Variants in MICU1 observed in about 807,000 individuals in gnomAD.
The protein encoded by MICU1 is mitochondrial calcium uptake 1, also known as calcium uptake protein 1, mitochondrial.
Under a neutral mutation model 56.8 loss-of-function variants are expected in MICU1, and 45 were observed. The ratio of observed to expected loss-of-function variants is 0.79; its 90% confidence interval spans 0.62 to 1.02. MICU1 has a LOEUF of 1.02. MICU1 is among the 50% of genes least tolerant of loss of function. MICU1 has a pLI of 0.00. For synonymous variants in MICU1, 186 were observed against 195.1 expected (o/e 0.95, Z 0.39); for missense variants, 504 against 587.1 (o/e 0.86, Z 1.46).
At chr10:72,476,353 G>A (rs1299865509) in intron 7 of MICU1, among the ~76,000 whole-genome samples, 11 of 151,666 alleles carry the variant, frequency 7.3e-5, no homozygotes, top group South Asian at 2.1e-4. Context: ...CACAGCCTCC[G>A]GAGTAGCTAG....
At chr10:72,586,516 G>A (rs1186485721) in intron 1 of MICU1, among the ~76,000 whole-genome samples, 1 of 152,030 alleles carries the variant, frequency 6.6e-6, no homozygotes, top group African/African-American at 2.4e-5. Flanking sequence ...GCCGGGCATG[G>A]TGGTGCATGC....
intron 10 of MICU1, among the ~76,000 whole-genome samples, chr10:72,398,259 C>T (rs1348779405): frequency 1.3e-5 from 2 of 152,124 alleles, no homozygotes; most frequent in South Asian, 2.1e-4. Flanking sequence ...AAAGACACAG[C>T]ATACCAGAAT....
At chr10:72,443,411 T>C (rs1233197128) in intron 8 of MICU1, among the ~76,000 whole-genome samples, 24 of 152,262 alleles carry the variant, frequency 1.6e-4, no homozygotes, top group Admixed American at 3.3e-4. Flanking sequence ...TTTGTTGCCA[T>C]TGTTTTTGGT....
At chr10:72,373,849 A>G (rs940479147) in intron 11 of MICU1, among the ~76,000 whole-genome samples, 6 of 152,222 alleles carry the variant, frequency 3.9e-5, no homozygotes, top group Admixed American at 3.3e-4. Context: ...GAAAGTTAAT[A>G]TATGTCTACA....
intron 8 of MICU1, among the ~76,000 whole-genome samples, chr10:72,471,461 C>T (rs771410719): frequency 3.9e-5 from 6 of 152,182 alleles, no homozygotes; most frequent in African/African-American, 1.2e-4. Flanking sequence ...CTCTGTTTCT[C>T]TAGGCTCTCA....
intron 8 of MICU1, among the ~76,000 whole-genome samples, chr10:72,448,193 A>ATTTTT (rs71018289): frequency 0.018 from 664 of 36,800 alleles, 86 homozygotes; most frequent in Middle Eastern, 0.038. Context: ...ATATATATAT[A>ATTTTT]TTTTTTTTTT....
At chr10:72,528,239 T>C (rs1868020822) in intron 5 of MICU1, among the ~76,000 whole-genome samples, 1 of 152,186 alleles carries the variant, frequency 6.6e-6, no homozygotes, top group South Asian at 2.1e-4. Flanking sequence ...CTTTGAAATA[T>C]CTGTGAGGAA....
intron 5 of MICU1, among the ~76,000 whole-genome samples, chr10:72,523,580 A>G (rs1354677741): frequency 6.6e-6 from 1 of 152,196 alleles, no homozygotes; most frequent in Non-Finnish European, 1.5e-5. Flanking sequence ...GTAAAAATAA[A>G]GAGCACCCTG....
intron 1 of MICU1, among the ~76,000 whole-genome samples, chr10:72,625,066 T>C (rs1842195954): frequency 1.3e-5 from 2 of 152,306 alleles, no homozygotes; most frequent in African/African-American, 2.4e-5. Context: ...TCCTTTCTTA[T>C]ACTGCTCGAT....
At chr10:72,593,418 G>A (rs941837938) in intron 1 of MICU1, among the ~76,000 whole-genome samples, 2 of 151,950 alleles carry the variant, frequency 1.3e-5, no homozygotes, top group Non-Finnish European at 2.9e-5. Flanking sequence ...TGGCCAACAT[G>A]GCGAAACCCT....
chr10:72,501,756 G>A (rs2132330875), intron 6 of MICU1: 1 of 152,240 alleles, frequency 6.6e-6, no homozygotes, highest in East Asian at 1.9e-4. Flanking sequence ...CACATACAGA[G>A]AAGAGTAAGA....
At chr10:72,416,407 TTAA>T (rs757031379) in intron 9 of MICU1, among the ~76,000 whole-genome samples, 2 of 152,096 alleles carry the variant, frequency 1.3e-5, no homozygotes, top group Non-Finnish European at 2.9e-5. Context: ...ATATTTGGAG[TTAA>T]TGAGTTTTCA....
intron 6 of MICU1, among the ~76,000 whole-genome samples, chr10:72,490,457 G>A (rs1400064261): frequency 6.6e-6 from 1 of 152,116 alleles, no homozygotes; most frequent in East Asian, 1.9e-4. Context: ...CTGTAGATCT[G>A]AATTAGCTCA....
At chr10:72,414,690 T>A (rs919541574) in intron 9 of MICU1, among the ~76,000 whole-genome samples, 1 of 152,234 alleles carries the variant, frequency 6.6e-6, no homozygotes, top group Non-Finnish European at 1.5e-5. Flanking sequence ...GGATAACTTA[T>A]GGTATATAAA....
chr10:72,368,105 C>G lies in MICU1; in HGVS notation c.*90G>C, dbSNP rs41282272. The G allele has an allele frequency of 0.024, 33,114 of 1,384,102 alleles. 479 individuals are homozygous for G. The highest frequency in any genetic ancestry group is 0.039 in the South Asian group (2,831 of 73,268). The allele number at this position is 1,384,102 out of a possible 1,614,324, so 85.7% of individuals were successfully genotyped here. On this transcript the variant is annotated 3_prime_UTR_variant, in exon 12 of 12. Coordinates refer to ENST00000361114, the MANE Select transcript of MICU1 (RefSeq NM_001195518.2). The stretch of plus-strand genomic sequence containing the variant: ...TCCCGGGAGGAAGGGGGACTACTTC[C>G]AGAAGCAGCAGCACAAAGGGCTCTG...
intron 1 of MICU1, among the ~76,000 whole-genome samples, chr10:72,595,434 A>G (rs1274337552): frequency 6.9e-6 from 1 of 143,974 alleles, no homozygotes; most frequent in Non-Finnish European, 1.5e-5. Flanking sequence ...CCTGGGTGAC[A>G]GAGACTCTGT....
chr10:72,538,802 T>C (rs1839698334), intron 4 of MICU1, among the ~76,000 whole-genome samples: 1 of 151,956 alleles, frequency 6.6e-6, no homozygotes, highest in Non-Finnish European at 1.5e-5. Flanking sequence ...AAACATAGAA[T>C]GGCTGAATAA....
intron 1 of MICU1, among the ~76,000 whole-genome samples, chr10:72,595,665 C>T (rs1015565755): frequency 6.6e-6 from 1 of 152,116 alleles, no homozygotes; most frequent in Non-Finnish European, 1.5e-5. Flanking sequence ...CTTGGTCCTG[C>T]TAATTGTAGG....
chr10:72,580,581 A>C (rs1840872819), intron 1 of MICU1, among the ~76,000 whole-genome samples: 2 of 152,276 alleles, frequency 1.3e-5, no homozygotes, highest in South Asian at 4.1e-4. Context: ...GGTTCAAGTG[A>C]TTCTCCTGCC....
Sources: gnomAD v4.1 joint callset for allele counts (sites outside exome capture counted in the v4.1 genomes callset) on GRCh38, gnomAD v4.1.1 for gene constraint, MANE v1.5 for transcripts, NCBI Gene and HGNC (gene_info 2026-07-23, HGNC 2026-07-21) for gene names.